Variants in QTMAN observed in about 807,000 individuals in gnomAD.
QTMAN encodes queuosine-tRNA mannosyltransferase, also known as tRNA-queuosine alpha-mannosyltransferase.
At chr2:144,214,849 T>C in the QTMAN span, among the ~76,000 whole-genome samples, 1 of 152,244 alleles carries the variant, frequency 6.6e-6, no homozygotes, top group Non-Finnish European at 1.5e-5. Context: ...AAATATATGC[T>C]CTTTGCAAAG....
the QTMAN span, among the ~76,000 whole-genome samples, chr2:144,223,439 G>A: frequency 7.7e-4 from 117 of 152,240 alleles, 1 homozygote; most frequent in East Asian, 0.016. Context: ...AGCACCATGT[G>A]GCATTTTTTA....
chr2:144,072,018 C>A, the QTMAN span, among the ~76,000 whole-genome samples: 18 of 152,156 alleles, frequency 1.2e-4, no homozygotes, highest in African/African-American at 4.3e-4. Context: ...AGTAAATCAT[C>A]TCAGAGATTC....
the QTMAN span, among the ~76,000 whole-genome samples, chr2:144,061,816 AAGAGTGGC>A: frequency 6.6e-6 from 1 of 152,082 alleles, no homozygotes; most frequent in African/African-American, 2.4e-5. Context: ...CCAAGAGCAG[AAGAGTGGC>A]AGAGTGGCAG....
the QTMAN span, among the ~76,000 whole-genome samples, chr2:144,253,539 G>A: frequency 6.6e-6 from 1 of 152,154 alleles, no homozygotes. Flanking sequence ...GGTTGAGGTG[G>A]TCTCAGATGG....
chr2:144,112,679 G>A, the QTMAN span, among the ~76,000 whole-genome samples: 2 of 152,342 alleles, frequency 1.3e-5, 1 homozygote, highest in Admixed American at 1.3e-4. Context: ...GCTTTGCCGT[G>A]CTGTATCAAG....
the QTMAN span, among the ~76,000 whole-genome samples, chr2:144,002,284 G>C: frequency 5.3e-5 from 8 of 151,894 alleles, no homozygotes; most frequent in Admixed American, 3.3e-4. Context: ...TAGCTGTCCT[G>C]AGGAAAAGTA....
the QTMAN span, among the ~76,000 whole-genome samples, chr2:144,133,232 TATATTTATATATAA>T: frequency 2.0e-4 from 6 of 29,578 alleles, 2 homozygotes; most frequent in Admixed American, 1.5e-3. Context: ...AATATATATT[TATATTTATATATAA>T]ATATATATAA....
chr2:144,206,069 T>C, the QTMAN span, among the ~76,000 whole-genome samples: 12 of 152,238 alleles, frequency 7.9e-5, no homozygotes, highest in African/African-American at 2.9e-4. Context: ...GGCTGAAGCA[T>C]TTATTCTTTT....
chr2:144,222,617 T>C, the QTMAN span, among the ~76,000 whole-genome samples: 1 of 151,516 alleles, frequency 6.6e-6, no homozygotes, highest in African/African-American at 2.4e-5. Flanking sequence ...CCATCTTGGC[T>C]AACACGGTGA....
chr2:144,187,750 T>C, the QTMAN span, among the ~76,000 whole-genome samples: 1 of 152,108 alleles, frequency 6.6e-6, no homozygotes, highest in Non-Finnish European at 1.5e-5. Context: ...TCTGGGATGA[T>C]GATGATGTAG....
chr2:144,122,778 T>C, the QTMAN span, among the ~76,000 whole-genome samples: 1 of 152,200 alleles, frequency 6.6e-6, no homozygotes. Flanking sequence ...AAAGATGTAT[T>C]GATATCTCAG....
the QTMAN span, among the ~76,000 whole-genome samples, chr2:144,107,588 G>A: frequency 2.6e-5 from 4 of 152,116 alleles, no homozygotes; most frequent in South Asian, 2.1e-4. Context: ...CCAATAACAG[G>A]CTCTGAAATT....
chr2:144,171,545 G>C, the QTMAN span, among the ~76,000 whole-genome samples: 1 of 152,120 alleles, frequency 6.6e-6, no homozygotes, highest in Non-Finnish European at 1.5e-5. Context: ...TTAATTATGT[G>C]AAAAACTGAA....
At chr2:144,251,754 T>C in the QTMAN span, among the ~76,000 whole-genome samples, 2 of 152,196 alleles carry the variant, frequency 1.3e-5, no homozygotes, top group Non-Finnish European at 1.5e-5. Context: ...GAAAAACTTC[T>C]GCTCTGTGAA....
At chr2:143,988,412 T>A in the QTMAN span, among the ~76,000 whole-genome samples, 1,067 of 152,202 alleles carry the variant, frequency 7.0e-3, 17 homozygotes, top group African/African-American at 0.025. Flanking sequence ...CCATATGCCA[T>A]TTGAGACCAA....
the QTMAN span, among the ~76,000 whole-genome samples, chr2:144,100,448 T>C: frequency 6.6e-6 from 1 of 152,206 alleles, no homozygotes; most frequent in African/African-American, 2.4e-5. Context: ...AAATGATTTA[T>C]TCTTGATTCT....
At chr2:143,943,999 A>G in the QTMAN span, 1 of 152,206 alleles carries the variant, frequency 6.6e-6, no homozygotes, top group African/African-American at 2.4e-5. Flanking sequence ...TAAAATTAAA[A>G]TTGACTTTAT....
At chr2:144,009,646 C>T in the QTMAN span, among the ~76,000 whole-genome samples, 1 of 152,062 alleles carries the variant, frequency 6.6e-6, no homozygotes, top group Non-Finnish European at 1.5e-5. Context: ...AAGAATGGTA[C>T]TAACCCCTTA....
At chr2:144,139,560 C>A in the QTMAN span, among the ~76,000 whole-genome samples, 103 of 152,126 alleles carry the variant, frequency 6.8e-4, no homozygotes, top group South Asian at 4.6e-3. Context: ...GTATACATGA[C>A]TACGGCGTCT....
Sources: allele counts gnomAD v4.1 joint callset (sites outside exome capture counted in the v4.1 genomes callset), GRCh38; gene constraint gnomAD v4.1.1; transcripts MANE v1.5; gene names NCBI Gene and HGNC (gene_info 2026-07-23, HGNC 2026-07-21).